Variants in MYO1D observed in about 807,000 individuals in gnomAD.
The protein encoded by MYO1D is myosin ID, also known as unconventional myosin-Id.
Under a neutral mutation model 122.0 loss-of-function variants are expected in MYO1D, and 83 were observed. The ratio of observed to expected loss-of-function variants is 0.68; its 90% CI spans 0.57 to 0.82. The LOEUF (loss-of-function observed/expected upper bound fraction) is 0.82. Among genes scored for constraint, MYO1D ranks in the 40% least tolerant of loss-of-function variants. MYO1D has a pLI of 0.00. For synonymous variants in MYO1D, 464 were observed against 446.9 expected, an observed-to-expected ratio of 1.04 and a Z score of -0.48; for missense variants, 1,157 against 1,269.5, an observed-to-expected ratio of 0.91 and a Z score of 1.35.
At chr17:32,579,675 T>A (rs964309126) in intron 21 of MYO1D, among the ~76,000 whole-genome samples, 1 of 152,180 alleles carries the variant, frequency 6.6e-6, no homozygotes, top group African/African-American at 2.4e-5. Context: ...CCCTATCCAC[T>A]CTCCATCCCA....
intron 21 of MYO1D, among the ~76,000 whole-genome samples, chr17:32,555,062 G>A (rs1313800190): frequency 2.0e-5 from 3 of 152,124 alleles, no homozygotes; most frequent in African/African-American, 7.2e-5. Flanking sequence ...AACAATTACG[G>A]ATATGAATAA....
intron 20 of MYO1D, among the ~76,000 whole-genome samples, chr17:32,620,341 T>C (rs1446461161): frequency 6.6e-6 from 1 of 152,130 alleles, no homozygotes; most frequent in Non-Finnish European, 1.5e-5. Flanking sequence ...TGATGAGAGG[T>C]GGAGGTATCT....
At chr17:32,638,321 T>C (rs2088135253) in intron 20 of MYO1D, among the ~76,000 whole-genome samples, 1 of 152,156 alleles carries the variant, frequency 6.6e-6, no homozygotes, top group Non-Finnish European at 1.5e-5. Context: ...GTGAAAAGAA[T>C]TCTGGAAGCA....
At position 32,815,801 on chromosome 17, in the gene MYO1D, C is replaced by G. The variant is rs561912790; in HGVS notation, c.96-35017G>C. On this transcript the variant is annotated intron_variant, in intron 1 of 21. Transcript: ENST00000318217. ...AGGACAAGGTAAGTGATTACCGTCT[C>G]TGCCACACCTGTATAGACCACAAGC... Among the ~76,000 whole-genome samples, 15 of 152,354 alleles carry G rather than the reference C, an allele frequency of 9.8e-5. No individual in the cohort carries two copies. In the South Asian group the frequency reaches 3.1e-3, roughly 32 times the overall value.
At chr17:32,574,010 G>T (rs963844327) in intron 21 of MYO1D, among the ~76,000 whole-genome samples, 1 of 151,856 alleles carries the variant, frequency 6.6e-6, no homozygotes, top group Admixed American at 6.6e-5. Flanking sequence ...CCGCCACCTC[G>T]CCCGGCTAAT....
rs899955634 is a variant in MYO1D, at chr17:32,605,251, G to C, written c.2710-10C>G. On this transcript the variant is annotated splice_polypyrimidine_tract_variant and intron_variant, in intron 20 of 21. Transcript: ENST00000318217. ...CACTCAGACCAGTCAACTGCAAAGA[G>C]AAAATGCATGGAAAACTATTTGGAT... is the stretch of plus-strand genomic sequence containing the variant. 6.5e-7 allele frequency: 1 copy of C among 1,535,830 alleles called. No homozygotes were observed. Among genetic ancestry groups the C allele is most frequent in the African/African-American group, 1.4e-5 (1 of 73,414 alleles).
intron 1 of MYO1D, among the ~76,000 whole-genome samples, chr17:32,827,708 CATT>C (rs1019502253): frequency 6.6e-6 from 1 of 152,054 alleles, no homozygotes; most frequent in Non-Finnish European, 1.5e-5. Context: ...AAAAAGACAT[CATT>C]AAGTTTAAAG....
At chr17:32,632,454 C>T (rs980973595) in intron 20 of MYO1D, 2 of 151,896 alleles carry the variant, frequency 1.3e-5, no homozygotes, top group African/African-American at 2.4e-5. Context: ...CCTTTTGGAG[C>T]GGAGTGGCGG....
chr17:32,537,091 C>T (rs188974197), intron 21 of MYO1D, among the ~76,000 whole-genome samples: 106 of 152,202 alleles, frequency 7.0e-4, no homozygotes, highest in African/African-American at 2.4e-3. Context: ...CTCCTAGGGC[C>T]GGAAGATGAC....
At chr17:32,854,643 T>C (rs768952095) in intron 1 of MYO1D, among the ~76,000 whole-genome samples, 4 of 152,208 alleles carry the variant, frequency 2.6e-5, no homozygotes, top group African/African-American at 4.8e-5. Flanking sequence ...ACAGACCAAC[T>C]GGGCCAGGTT....
At chr17:32,538,263 T>C (rs548663592) in intron 21 of MYO1D, among the ~76,000 whole-genome samples, 1 of 141,908 alleles carries the variant, frequency 7.0e-6, no homozygotes, top group Non-Finnish European at 1.5e-5. Flanking sequence ...GTCAAAGGCA[T>C]CTAAGTAAAA....
intron 21 of MYO1D, among the ~76,000 whole-genome samples, chr17:32,503,279 G>A (rs915981461): frequency 6.6e-6 from 1 of 152,214 alleles, no homozygotes; most frequent in Non-Finnish European, 1.5e-5. Flanking sequence ...CAGGGTTTTA[G>A]GTCAAAGCCA....
intron 1 of MYO1D, among the ~76,000 whole-genome samples, chr17:32,799,066 G>A (rs2090440032): frequency 6.6e-6 from 1 of 152,118 alleles, no homozygotes; most frequent in Non-Finnish European, 1.5e-5. Context: ...CTACTACTTT[G>A]CTTTAGCCAG....
At chr17:32,557,361 G>A (rs558185087) in intron 21 of MYO1D, among the ~76,000 whole-genome samples, 1 of 151,998 alleles carries the variant, frequency 6.6e-6, no homozygotes. Context: ...CACCTGCCTT[G>A]GCCTCCCAAA....
intron 1 of MYO1D, among the ~76,000 whole-genome samples, chr17:32,861,126 T>C (rs1206069364): frequency 6.6e-6 from 1 of 151,022 alleles, no homozygotes; most frequent in African/African-American, 2.4e-5. Context: ...TGGACTGCAG[T>C]GGCGCAACCT....
intron 15 of MYO1D, 38 bp from the exon 16 acceptor site, chr17:32,712,233 C>G (rs750812329): frequency 6.4e-7 from 1 of 1,556,528 alleles, no homozygotes; most frequent in Non-Finnish European, 8.8e-7. Context: ...GGGAGAAAAC[C>G]ATATGGTCAT....
intron 20 of MYO1D, among the ~76,000 whole-genome samples, chr17:32,619,532 C>T (rs554535536): frequency 3.3e-5 from 5 of 152,272 alleles, no homozygotes; most frequent in South Asian, 4.2e-4. Flanking sequence ...GTATGAGAAT[C>T]ACAGGGAAGA....
intron 21 of MYO1D, among the ~76,000 whole-genome samples, chr17:32,533,185 T>C (rs1209599662): frequency 6.6e-6 from 1 of 152,234 alleles, no homozygotes; most frequent in East Asian, 1.9e-4. Context: ...TAATTCCATA[T>C]GCTGATAACT....
intron 21 of MYO1D, among the ~76,000 whole-genome samples, chr17:32,555,540 A>T (rs1014001106): frequency 6.6e-6 from 1 of 152,172 alleles, no homozygotes; most frequent in Non-Finnish European, 1.5e-5. Flanking sequence ...GGAAACACAA[A>T]ATCCTCCTCT....
Sources: allele counts gnomAD v4.1 joint callset (sites outside exome capture counted in the v4.1 genomes callset), GRCh38; gene constraint gnomAD v4.1.1; transcripts MANE v1.5; gene names NCBI Gene and HGNC (gene_info 2026-07-23, HGNC 2026-07-21).